Variants in WDR62 observed in about 807,000 individuals in gnomAD.
The protein encoded by WDR62 is WD repeat domain 62, also known as WD repeat-containing protein 62.
A neutral mutation model predicts 160.6 loss-of-function variants in WDR62; 112 were observed. The ratio of observed to expected loss-of-function variants is 0.70; its 90% CI spans 0.60 to 0.82. WDR62 has a LOEUF of 0.82. Ranked by LOEUF, WDR62 falls within the 40% of genes least tolerant of loss-of-function variation. The pLI is 0.00. For missense variants in WDR62, 1,819 were observed against 1,983.8 expected (o/e 0.92, Z 1.58); for synonymous variants, 792 against 815.1 (o/e 0.97, Z 0.48).
In WDR62 at chr19:36,103,079, G is replaced by A. The variant is rs781232463; in HGVS notation, c.3462+5G>A. 6.2e-7 allele frequency: 1 copy of A among 1,614,068 alleles called. No homozygotes were observed. The highest frequency in any genetic ancestry group is 8.5e-7 in the Non-Finnish European group (1 of 1,180,040). Reference sequence around the variant, plus strand: ...GCCTCCCCAGACAGGACCCACGTGAGTATTGGGCCCACCTCCGTCAGGGCA... The same window carrying A: ...GCCTCCCCAGACAGGACCCACGTGAATATTGGGCCCACCTCCGTCAGGGCA... On this transcript the variant is annotated splice_donor_5th_base_variant and intron_variant, in intron 28 of 31. Transcript: ENST00000401500.
chr19:36,077,198 T>A (rs1971618836), intron 9 of WDR62, among the ~76,000 whole-genome samples: 1 of 151,892 alleles, frequency 6.6e-6, no homozygotes, highest in Non-Finnish European at 1.5e-5. Context: ...TGGAAATGAC[T>A]AATCTGCTTC....
chr19:36,108,445 C>G (rs927600934), downstream of WDR62, among the ~76,000 whole-genome samples: 1 of 152,088 alleles, frequency 6.6e-6, no homozygotes, highest in Non-Finnish European at 1.5e-5. Context: ...CTGCCAGGCC[C>G]GTGCCAGGCA....
chr19:36,100,505 G>A (rs536591262), intron 22 of WDR62, among the ~76,000 whole-genome samples: 1 of 152,280 alleles, frequency 6.6e-6, no homozygotes, highest in East Asian at 1.9e-4. Flanking sequence ...TCCTATTCTT[G>A]AACTTGATAT....
In WDR62 at chr19:36,055,080, G is replaced by A; in HGVS notation, c.109G>A (p.Ala37Thr). Reference protein sequence around the residue: ...ARRGQSSPPPAPPICLRRRTR... With the variant: ...ARRGQSSPPPTPPICLRRRTR... ...GAGGGGCCAGTCCTCCCCGCCCCCC[G>A]CCCCACCAATCTGCCTACGGCGGCG... is the stretch of plus-strand genomic sequence containing the variant. The change falls in exon 1 of 32, where the codon GCC (alanine) becomes ACC (threonine). Residue 37 changes from alanine (A) to threonine (T), a missense_variant. By Grantham distance (58) the Ala-to-Thr change is moderately conservative. This residue lies in a region of WDR62 where 115 missense variants were observed against 92.4 expected (regional missense o/e 1.24). Coordinates refer to ENST00000401500, the MANE Select transcript of WDR62 (RefSeq NM_001083961.2). 1 of 1,590,212 alleles carries A rather than the reference G, an allele frequency of 6.3e-7. No homozygotes were observed.
intron 12 of WDR62, among the ~76,000 whole-genome samples, 157 bp downstream of exon 12, chr19:36,084,901 G>A (rs1054129928): frequency 2.0e-5 from 3 of 152,180 alleles, no homozygotes; most frequent in Admixed American, 1.3e-4. Flanking sequence ...TGAGACCAGA[G>A]TGGCTGGGAC....
intron 3 of WDR62, chr19:36,061,662 T>C (rs1297951719): frequency 6.6e-6 from 1 of 152,164 alleles, no homozygotes; most frequent in Non-Finnish European, 1.5e-5. Flanking sequence ...TAGTAGATGG[T>C]ATGCAGGTGT....
rs138424742 is a variant in WDR62 at position 36,089,639 on chromosome 19, C to T, written c.1958+333C>T. 7.4e-3 allele frequency among the ~76,000 whole-genome samples: 1,121 copies of T among 152,304 alleles called. 14 individuals carry two copies. The highest frequency in any genetic ancestry group is 0.02 in the African/African-American group (842 of 41,560). On this transcript the variant is annotated intron_variant, in intron 15 of 31. Transcript: ENST00000401500. ...TGTATTTTTAGTAGAGACGAGGTTT[C>T]GCCATGTTGGCCAGGCTGGTCTCGA...
chr19:36,080,782 A>C (rs1971850728), intron 9 of WDR62, among the ~76,000 whole-genome samples: 1 of 151,992 alleles, frequency 6.6e-6, no homozygotes. Flanking sequence ...CATTTCTAGA[A>C]GCTGTTCTGT....
At chr19:36,084,891 T>G in intron 12 of WDR62, 147 bp downstream of exon 12, 1 of 756,164 alleles carries the variant, frequency 1.3e-6, no homozygotes. Context: ...AGCTGGACCC[T>G]GAGACCAGAG....
At chr19:36,059,041 A>G (rs1377320911) in intron 2 of WDR62, 170 bp downstream of exon 2, 1 of 721,232 alleles carries the variant, frequency 1.4e-6, no homozygotes, top group East Asian at 2.7e-5. Context: ...CTCTCTGTCT[A>G]GAACAGTTCC....
chr19:36,080,265 G>A (rs990127819), intron 9 of WDR62, among the ~76,000 whole-genome samples: 2 of 150,256 alleles, frequency 1.3e-5, no homozygotes, highest in African/African-American at 2.4e-5. Flanking sequence ...CTGCCACCAC[G>A]CCCGGCTAAT....
At chr19:36,055,826 TC>T (rs1438626577) in intron 1 of WDR62, among the ~76,000 whole-genome samples, 1 of 152,208 alleles carries the variant, frequency 6.6e-6, no homozygotes, top group East Asian at 1.9e-4. Context: ...AAAATTGTTT[TC>T]CAGCTGTGTA....
chr19:36,101,316 G>GGGT lies in WDR62; in HGVS notation c.2971+1_2971+3dup. On this transcript the variant is annotated inframe_insertion and splice_region_variant, in exon 24 of 32. Coordinates refer to ENST00000401500, the MANE Select transcript of WDR62 (RefSeq NM_001083961.2). ...GCCCAAAGGACCAGAGCCCGCCTGA[G>GGGT]GGTGAGTGCAGGGCAGGCAGGGACC... The GGGT allele has an allele frequency of 6.2e-7, 1 of 1,609,144 alleles. No individual in the cohort carries two copies. Among genetic ancestry groups the GGGT allele is most frequent in the Non-Finnish European group, 8.5e-7 (1 of 1,178,236 alleles).
intron 1 of WDR62, among the ~76,000 whole-genome samples, chr19:36,055,663 G>A (rs1970324360): frequency 6.6e-6 from 1 of 151,934 alleles, no homozygotes; most frequent in South Asian, 2.1e-4. Flanking sequence ...TCAAAACTAT[G>A]AGAAAGACGT....
intron 3 of WDR62, chr19:36,062,649 CAAAAAAAAAAAA>C (rs1167386837): frequency 2.5e-5 from 1 of 39,478 alleles, no homozygotes; most frequent in African/African-American, 1.2e-4. Flanking sequence ...GAGTCCGTCT[CAAAAAAAAAAAA>C]AAAAAAAAAA....
At chr19:36,096,145 C>T (rs1379905603) in intron 20 of WDR62, among the ~76,000 whole-genome samples, 1 of 151,944 alleles carries the variant, frequency 6.6e-6, no homozygotes, top group East Asian at 1.9e-4. Context: ...GGCTGGAGTT[C>T]AATAGCACAA....
chr19:36,068,088 G>T, intron 7 of WDR62, 78 bp downstream of exon 7: 1 of 1,507,866 alleles, frequency 6.6e-7, no homozygotes, highest in South Asian at 1.2e-5. Context: ...CATCAGCATT[G>T]ACCACACAGG....
intron 20 of WDR62, among the ~76,000 whole-genome samples, chr19:36,096,010 C>A (rs1972934782): frequency 6.6e-6 from 1 of 152,194 alleles, no homozygotes; most frequent in Non-Finnish European, 1.5e-5. Context: ...ACTCCTAAGC[C>A]TCCTCGAAAT....
chr19:36,101,637 G>C, intron 24 of WDR62, 27 bp from the exon 25 acceptor site: 1 of 1,513,964 alleles, frequency 6.6e-7, no homozygotes, highest in Non-Finnish European at 9.0e-7. Flanking sequence ...CAGGCTGTGG[G>C]CTCCTGACCC....
Sources: gnomAD v4.1 joint callset for allele counts (sites outside exome capture counted in the v4.1 genomes callset) on GRCh38, gnomAD v4.1.1 for gene constraint, gnomAD v4.1.1 regional missense constraint, MANE v1.5 for transcripts, NCBI Gene and HGNC (gene_info 2026-07-23, HGNC 2026-07-21) for gene names.